The following FMR1 variants were observed in gnomAD, a reference collection of about 807,000 sequenced individuals.
FMR1 encodes fragile X messenger ribonucleoprotein 1, also known as FMRP translational regulator 1.
FMR1 carries 13 observed loss-of-function variants against 50.6 expected under a neutral mutation model. The ratio of observed to expected loss-of-function variants is 0.26; its 90% CI spans 0.17 to 0.41. The LOEUF is 0.41. Ranked by LOEUF, FMR1 falls within the 10% of genes least tolerant of loss-of-function variation. FMR1 has a pLI of 1.00. For synonymous variants in FMR1, 138 were observed against 164.1 expected, an observed-to-expected ratio of 0.84 and a Z score of 1.22; for missense variants, 316 against 491.3, an observed-to-expected ratio of 0.64 and a Z score of 3.37.
At position 147,924,515 on chromosome X, in the gene FMR1, A is replaced by ATAT. The variant is rs376423837; in HGVS notation, c.105-1024_105-1023insATT. Among the ~76,000 whole-genome samples the ATAT allele has an allele frequency of 9.6e-4, 85 of 88,294 alleles. 1 individual carries two copies. The highest frequency in any genetic ancestry group is 5.8e-3 in the Middle Eastern group (1 of 173). The allele number at this position is 88,294 out of a possible 115,157, so 76.7% of individuals were successfully genotyped here. A position where few individuals can be genotyped will look rare whatever the true frequency, so the allele number is the denominator to read the frequency against. ...TGTGTGTGTGTCTATATATATATAT[A>ATAT]TTTTTTTTTTTTTAAAGACAGGATC... On this transcript the variant is annotated intron_variant, in intron 2 of 16. Coordinates refer to ENST00000370475, the MANE Select transcript of FMR1 (RefSeq NM_002024.6).
chrX:147,912,063 CGGCGGCGGCGGCGGCGGA>C lies in FMR1; in HGVS notation c.-99_-82del, dbSNP rs1305791118. 231 of 199,566 alleles carry C rather than the reference CGGCGGCGGCGGCGGCGGA, an allele frequency of 1.2e-3. 4 individuals carry two copies. The highest frequency in any genetic ancestry group is 1.5e-3 in the Non-Finnish European group (211 of 139,281). The allele number at this position is 199,566 out of a possible 1,213,427, so 16.4% of individuals were successfully genotyped here. ...GCGTGCGGCAGCGCGGCGGCGGCGG[CGGCGGCGGCGGCGGCGGA>C]GGCGGCGGCGGCGGCGGCGGCGGCG... is the stretch of plus-strand genomic sequence containing the variant. On this transcript the variant is annotated 5_prime_UTR_variant, in exon 1 of 17. Coordinates refer to ENST00000370475, the MANE Select transcript of FMR1 (RefSeq NM_002024.6).
intron 14 of FMR1, chrX:147,944,235 T>C (rs1347079847): frequency 5.3e-6 from 4 of 750,407 alleles, no homozygotes; most frequent in Non-Finnish European, 6.3e-6. Flanking sequence ...CGTTAACCCC[T>C]TCAGGCATAA....
chrX:147,928,221 C>A (rs2043457245), intron 3 of FMR1, 101 bp from the exon 4 acceptor site: 6 of 727,524 alleles, frequency 8.2e-6, no homozygotes, highest in Non-Finnish European at 4.3e-6. Flanking sequence ...TTTTTAAAGA[C>A]ACCTAGGGGC....
In FMR1 at chrX:147,950,751, C is replaced by A; in HGVS notation, c.*1907C>A. ...GTAACTGTTACCATTGGAAATTTCA[C>A]GTCATAGGAAGTTAGCCTTTATCTA... is the stretch of plus-strand genomic sequence containing the variant. On this transcript the variant is annotated 3_prime_UTR_variant, in exon 17 of 17. Transcript: ENST00000370475. 1 of 319,868 alleles carries A rather than the reference C, an allele frequency of 3.1e-6. No homozygotes were observed. Among genetic ancestry groups the A allele is most frequent in the South Asian group, 2.8e-5 (1 of 35,949 alleles). The allele number at this position is 319,868 out of a possible 1,213,427, so 26.4% of individuals were successfully genotyped here. A position where few individuals can be genotyped will look rare whatever the true frequency, so the allele number is the denominator to read the frequency against.
intron 1 of FMR1, among the ~76,000 whole-genome samples, chrX:147,916,458 C>T (rs782101324): frequency 2.0e-4 from 22 of 111,085 alleles, no homozygotes; most frequent in Non-Finnish European, 4.0e-4. Flanking sequence ...AAAATGATAA[C>T]TTGCTTTATA....
intron 13 of FMR1, 129 bp from the exon 14 acceptor site, chrX:147,943,000 AAC>A (rs1204799005): frequency 1.9e-6 from 1 of 533,682 alleles, no homozygotes; most frequent in Non-Finnish European, 3.1e-6. Flanking sequence ...AATTCTGTGT[AAC>A]AGTGTTTACT....
intron 14 of FMR1, chrX:147,943,698 A>AT (rs1324351218): frequency 6.5e-6 from 1 of 154,168 alleles, no homozygotes; most frequent in African/African-American, 3.1e-5. Flanking sequence ...TGGACTGTGT[A>AT]AATCAGGGGT....
Position 147,928,359 on chromosome X carries a change from G to A in FMR1, c.236G>A (p.Trp79Ter). The part of the protein sequence containing the change: ...SRANEKEPCC[W>*]WLAKVRMIKG... ...GCAAATGAAAAAGAGCCTTGCTGTT[G>A]GTGGTTAGCTAAAGTGAGGATGATA... The change falls in exon 4 of 17, where the codon TGG (tryptophan) becomes TAG (stop). Residue 79 changes from tryptophan (W) to a stop codon, truncating the protein, a stop_gained. Coordinates refer to ENST00000370475, the MANE Select transcript of FMR1 (RefSeq NM_002024.6). LOFTEE classifies it high-confidence loss of function. The A allele has an allele frequency of 8.3e-7, 1 of 1,208,109 alleles. No individual in the cohort carries two copies. The highest frequency in any genetic ancestry group is 1.1e-6 in the Non-Finnish European group (1 of 892,370).
Position 147,924,753 on chromosome X carries a change from G to T in FMR1, c.105-787G>T, listed in dbSNP as rs1484083016. ...CAGGCTGCTCTTGAAGTCCTGGCCTGAAGCAGTGCTCCCACCTCAGCCTCC... is the reference window on the plus strand; with the variant it reads ...CAGGCTGCTCTTGAAGTCCTGGCCTTAAGCAGTGCTCCCACCTCAGCCTCC... On this transcript the variant is annotated intron_variant, in intron 2 of 16. Transcript: ENST00000370475. 1.9e-4 allele frequency among the ~76,000 whole-genome samples: 20 copies of T among 106,149 alleles called. No homozygotes were observed. The Admixed American group carries it at 2.1e-3, about 11-fold the overall frequency. 92.2% of individuals were successfully genotyped at this position (106,149 alleles called of 115,157 possible).
chrX:147,918,881 T>G (rs1405776365), intron 1 of FMR1, among the ~76,000 whole-genome samples: 1 of 110,564 alleles, frequency 9.0e-6, no homozygotes, highest in Admixed American at 9.6e-5. Context: ...GATTTTAATT[T>G]TATTTAATTT....
chrX:147,931,453 A>G (rs1366022271), intron 7 of FMR1, among the ~76,000 whole-genome samples: 1 of 112,008 alleles, frequency 8.9e-6, no homozygotes, highest in East Asian at 2.8e-4. Flanking sequence ...TATTTATGCT[A>G]GTTGTATTCA....
At chrX:147,912,374 G>C in intron 1 of FMR1, 144 bp downstream of exon 1, 1 of 556,183 alleles carries the variant, frequency 1.8e-6, no homozygotes, top group Non-Finnish European at 2.9e-6. Context: ...TTGTTGGGAG[G>C]GAAGGACTGG....
At chrX:147,938,060 T>C (rs782780329) in intron 11 of FMR1, 39 bp from the exon 12 acceptor site, 8 of 1,072,835 alleles carry the variant, frequency 7.5e-6, no homozygotes, top group Non-Finnish European at 1.0e-5. Context: ...TCGTTTGTTA[T>C]AGTTAATGAC....
rs140178350 is a variant in FMR1, at chrX:147,934,748, A to T, written c.881-1756A>T. ...GTAAAATGAGATAATTCTGTTTTAG[A>T]GATGGTCCACTGCAACACTGGGAAC... On this transcript the variant is annotated intron_variant, in intron 9 of 16. Coordinates refer to ENST00000370475, the MANE Select transcript of FMR1 (RefSeq NM_002024.6). 1.9e-3 allele frequency among the ~76,000 whole-genome samples: 209 copies of T among 112,016 alleles called. 5 individuals are homozygous for T. In the East Asian group the frequency reaches 0.054, roughly 29 times the overall value.
At chrX:147,917,249 TGTGAG>T (rs1386387772) in intron 1 of FMR1, among the ~76,000 whole-genome samples, 3 of 111,982 alleles carry the variant, frequency 2.7e-5, no homozygotes, top group African/African-American at 9.8e-5. Flanking sequence ...AGGGAAGGAA[TGTGAG>T]GTGTCGCTGG....
At chrX:147,947,264 T>C (rs1439739187) in intron 16 of FMR1, 1 of 107,601 alleles carries the variant, frequency 9.3e-6, no homozygotes, top group Non-Finnish European at 1.9e-5. Context: ...TACAAAAAAT[T>C]AGCCAGACGT....
At chrX:147,920,993 T>C (rs2043134592) in intron 1 of FMR1, among the ~76,000 whole-genome samples, 1 of 111,611 alleles carries the variant, frequency 9.0e-6, no homozygotes, top group Admixed American at 9.5e-5. Context: ...TGTAGAGCCT[T>C]TTACAGCGGG....
At chrX:147,925,720 A>G in intron 3 of FMR1, 87 bp downstream of exon 3, 1 of 615,280 alleles carries the variant, frequency 1.6e-6, no homozygotes, top group Non-Finnish European at 2.8e-6. Context: ...TGTCTTTAAC[A>G]CTGTTTAAAT....
At chrX:147,947,811 A>C (rs904442408) in intron 16 of FMR1, among the ~76,000 whole-genome samples, 1 of 112,175 alleles carries the variant, frequency 8.9e-6, no homozygotes, top group African/African-American at 3.2e-5. Flanking sequence ...TTGAAATTAC[A>C]ACCATTTGGG....
Sources: allele counts gnomAD v4.1 joint callset (sites outside exome capture counted in the v4.1 genomes callset), GRCh38; gene constraint gnomAD v4.1.1; transcripts MANE v1.5; gene names NCBI Gene and HGNC (gene_info 2026-07-23, HGNC 2026-07-21).